Variants in ADAM12 observed in about 807,000 individuals in gnomAD.
ADAM12 encodes the protein disintegrin and metalloproteinase domain-containing protein 12.
ADAM12 carries 70 observed loss-of-function variants against 106.4 expected under a neutral mutation model. The observed-to-expected ratio is 0.66, with a 90% CI of 0.54 to 0.80. ADAM12 has a LOEUF of 0.80. Among genes scored for constraint, ADAM12 ranks in the 30% least tolerant of loss-of-function variants. The probability of loss-of-function intolerance (pLI) is 0.00; values close to 1 mark genes in which losing one functional copy is unlikely to be tolerated. For synonymous variants in ADAM12, 420 were observed against 433.5 expected, an observed-to-expected ratio of 0.97 and a Z score of 0.39; for missense variants, 1,010 against 1,171.9, an observed-to-expected ratio of 0.86 and a Z score of 2.02.
chr10:126,245,157 AT>A (rs2133664411), intron 3 of ADAM12, among the ~76,000 whole-genome samples: 1 of 152,346 alleles, frequency 6.6e-6, no homozygotes, highest in East Asian at 1.9e-4. Context: ...GAGAGTGAGC[AT>A]CACATTGGCA....
At chr10:126,123,436 G>C (rs1164239855) in intron 5 of ADAM12, among the ~76,000 whole-genome samples, 1 of 152,232 alleles carries the variant, frequency 6.6e-6, no homozygotes, top group Non-Finnish European at 1.5e-5. Context: ...CCAATGTTTG[G>C]GAAAGATGAA....
intron 3 of ADAM12, among the ~76,000 whole-genome samples, chr10:126,253,423 T>A (rs1339079949): frequency 2.6e-5 from 4 of 152,240 alleles, no homozygotes; most frequent in African/African-American, 9.6e-5. Context: ...TTATGCTCGC[T>A]TATCATTCTC....
At chr10:126,041,991 G>T in intron 18 of ADAM12, 1 of 1,434,110 alleles carries the variant, frequency 7.0e-7, no homozygotes, top group Non-Finnish European at 9.1e-7. Context: ...CCCCTCCTGA[G>T]CCCCGAGAAC....
At chr10:126,279,722 C>T (rs113188271) in intron 2 of ADAM12, among the ~76,000 whole-genome samples, 11,184 of 85,668 alleles carry the variant, frequency 0.13, 520 homozygotes, top group Middle Eastern at 0.25. Flanking sequence ...AGCGAAACTT[C>T]GTCTCAAAAA....
chr10:126,316,789 A>AG (rs1436576999), intron 2 of ADAM12, among the ~76,000 whole-genome samples: 2 of 151,606 alleles, frequency 1.3e-5, no homozygotes, highest in African/African-American at 4.8e-5. Context: ...ATCTCAAAAA[A>AG]AAAAAAAAAA....
chr10:126,148,422 A>G (rs11244843), intron 4 of ADAM12, among the ~76,000 whole-genome samples: 49,825 of 152,016 alleles, frequency 0.33, 8,483 homozygotes, highest in Non-Finnish European at 0.38. Context: ...AACAATGCAA[A>G]GCCTCGGACT....
chr10:126,238,120 C>T (rs1958454391), intron 3 of ADAM12, among the ~76,000 whole-genome samples: 1 of 152,226 alleles, frequency 6.6e-6, no homozygotes, highest in Non-Finnish European at 1.5e-5. Context: ...AACTTTCATT[C>T]TGTTTTAGGA....
chr10:126,209,676 A>G (rs1456336930), intron 3 of ADAM12, among the ~76,000 whole-genome samples: 1 of 152,228 alleles, frequency 6.6e-6, no homozygotes. Flanking sequence ...TTTTAGATAT[A>G]AAAAGTTTTC....
intron 14 of ADAM12, among the ~76,000 whole-genome samples, chr10:126,051,572 T>TCCAGCCAG (rs1191899617): frequency 0.027 from 2,292 of 85,400 alleles, 71 homozygotes; most frequent in East Asian, 0.15. Flanking sequence ...CATCCATCCA[T>TCCAGCCAG]CCATCCATCC....
chr10:126,243,835 G>C (rs992722928), intron 3 of ADAM12, among the ~76,000 whole-genome samples: 1 of 152,200 alleles, frequency 6.6e-6, no homozygotes, highest in Non-Finnish European at 1.5e-5. Context: ...GAGGGCTTCT[G>C]ATTGTCGTGG....
intron 1 of ADAM12, among the ~76,000 whole-genome samples, chr10:126,369,934 C>G (rs1856051898): frequency 1.3e-5 from 2 of 152,288 alleles, no homozygotes; most frequent in South Asian, 4.1e-4. Context: ...TTGGATTATA[C>G]AACTTGTGAT....
At chr10:126,081,590 C>T (rs1038526259) in intron 11 of ADAM12, among the ~76,000 whole-genome samples, 4 of 152,252 alleles carry the variant, frequency 2.6e-5, no homozygotes, top group Non-Finnish European at 2.9e-5. Flanking sequence ...TTTACCTGGG[C>T]GTGTGGTGAG....
intron 1 of ADAM12, among the ~76,000 whole-genome samples, chr10:126,333,061 C>T (rs147243877): frequency 2.6e-4 from 40 of 152,294 alleles, no homozygotes; most frequent in Non-Finnish European, 4.6e-4. Flanking sequence ...TGCTGAAAAA[C>T]CACACCACGC....
At chr10:126,307,916 G>A (rs766708279) in intron 2 of ADAM12, among the ~76,000 whole-genome samples, 4 of 152,188 alleles carry the variant, frequency 2.6e-5, no homozygotes, top group Non-Finnish European at 4.4e-5. Flanking sequence ...TTGAAAACAT[G>A]TCTAGCTACT....
intron 2 of ADAM12, among the ~76,000 whole-genome samples, chr10:126,298,238 C>A (rs2133793524): frequency 6.6e-6 from 1 of 151,062 alleles, no homozygotes; most frequent in South Asian, 2.1e-4. Flanking sequence ...AAACCACAGG[C>A]AATAGAAACT....
chr10:126,190,116 C>G (rs926187704), intron 3 of ADAM12, among the ~76,000 whole-genome samples: 1 of 152,152 alleles, frequency 6.6e-6, no homozygotes, highest in Admixed American at 6.5e-5. Flanking sequence ...TGAGACATCC[C>G]ATCTGTCTAT....
At chr10:126,277,072 T>C (rs1175642467) in intron 3 of ADAM12, among the ~76,000 whole-genome samples, 1 of 152,172 alleles carries the variant, frequency 6.6e-6, no homozygotes, top group Non-Finnish European at 1.5e-5. Flanking sequence ...CAGACTGTGA[T>C]ATCAACTAAG....
chr10:126,375,261 A>G lies in ADAM12; in HGVS notation c.88+12797T>C, dbSNP rs199979183. ...GCAAGAAGCCATGGTTAAAAAAAAA[A>G]AAAGAAAGAAAGAAAGAAAAAGAAA... On this transcript the variant is annotated intron_variant, in intron 1 of 22. Coordinates refer to ENST00000448723, the MANE Select transcript of ADAM12 (RefSeq NM_001288973.2). Among the ~76,000 whole-genome samples the G allele has an allele frequency of 5.3e-5, 8 of 152,020 alleles. No homozygotes were observed. In the East Asian group the frequency reaches 1.2e-3, roughly 22 times the overall value.
intron 3 of ADAM12, among the ~76,000 whole-genome samples, chr10:126,262,972 CT>C (rs1959030607): frequency 6.6e-6 from 1 of 152,202 alleles, no homozygotes; most frequent in Non-Finnish European, 1.5e-5. Context: ...ATGGACTGCT[CT>C]GGGCACTGAG....
Sources: gnomAD v4.1 joint callset for allele counts (sites outside exome capture counted in the v4.1 genomes callset) on GRCh38, gnomAD v4.1.1 for gene constraint, MANE v1.5 for transcripts, NCBI Gene and HGNC (gene_info 2026-07-23, HGNC 2026-07-21) for gene names.